NPAS3: variants seen among roughly 807,000 people sequenced by gnomAD.
NPAS3 encodes neuronal PAS domain protein 3.
Under a neutral mutation model 73.1 loss-of-function variants are expected in NPAS3, and 14 were observed. The ratio of observed to expected loss-of-function variants is 0.19; its 90% CI spans 0.13 to 0.30. NPAS3 has a LOEUF of 0.30. Among genes scored for constraint, NPAS3 ranks in the 10% least tolerant of loss-of-function variants. NPAS3 has a pLI of 1.00. For synonymous variants in NPAS3, 620 were observed against 541.5 expected, an observed-to-expected ratio of 1.14 and a Z score of -2.01; for missense variants, 1,096 against 1,250.0, an observed-to-expected ratio of 0.88 and a Z score of 1.86.
intron 2 of NPAS3, among the ~76,000 whole-genome samples, chr14:33,123,231 C>T (rs1889761): frequency 0.31 from 47,521 of 151,722 alleles, 7,812 homozygotes; most frequent in Non-Finnish European, 0.36. Flanking sequence ...ATGTTTAGAT[C>T]ATCACGGGAG....
At chr14:33,212,297 A>G (rs969698376) in intron 2 of NPAS3, among the ~76,000 whole-genome samples, 6 of 152,170 alleles carry the variant, frequency 3.9e-5, no homozygotes, top group African/African-American at 1.4e-4. Flanking sequence ...TATCATTCTG[A>G]AAGTCTTCTA....
At chr14:33,164,205 C>G (rs892019574) in intron 2 of NPAS3, among the ~76,000 whole-genome samples, 3 of 152,184 alleles carry the variant, frequency 2.0e-5, no homozygotes, top group Non-Finnish European at 2.9e-5. Flanking sequence ...TCACCATTTT[C>G]TCTTATACAG....
At chr14:33,534,284 G>GT in intron 4 of NPAS3, among the ~76,000 whole-genome samples, 1 of 151,366 alleles carries the variant, frequency 6.6e-6, no homozygotes, top group East Asian at 1.9e-4. Flanking sequence ...CATGCTGAAA[G>GT]TGTCAGACAA....
chr14:33,730,433 G>A (rs976534094), intron 6 of NPAS3, among the ~76,000 whole-genome samples: 7 of 152,126 alleles, frequency 4.6e-5, no homozygotes, highest in Admixed American at 1.3e-4. Flanking sequence ...CCAAATTACA[G>A]CAAAGATTTA....
chr14:33,428,440 A>G (rs961957935), intron 4 of NPAS3, among the ~76,000 whole-genome samples: 1 of 152,180 alleles, frequency 6.6e-6, no homozygotes, highest in Non-Finnish European at 1.5e-5. Flanking sequence ...ATTTGTTTAT[A>G]GATGTATATA....
intron 4 of NPAS3, among the ~76,000 whole-genome samples, chr14:33,399,979 T>G (rs1439892278): frequency 2.0e-5 from 3 of 152,112 alleles, no homozygotes; most frequent in Non-Finnish European, 4.4e-5. Context: ...ACATAATCAA[T>G]GCACTGTACA....
At chr14:33,170,909 T>A (rs887148078) in intron 2 of NPAS3, among the ~76,000 whole-genome samples, 1 of 152,248 alleles carries the variant, frequency 6.6e-6, no homozygotes, top group Non-Finnish European at 1.5e-5. Flanking sequence ...TATTTTCACC[T>A]TCTCCCATGA....
chr14:32,991,428 TTG>T (rs1049933873), intron 1 of NPAS3, among the ~76,000 whole-genome samples: 6 of 152,166 alleles, frequency 3.9e-5, no homozygotes, highest in African/African-American at 1.2e-4. Flanking sequence ...TGGCCATAGT[TTG>T]CCCAATAACA....
chr14:32,939,623 C>CAAAAAAAAAA (rs752795909), intron 1 of NPAS3, among the ~76,000 whole-genome samples: 5 of 110,216 alleles, frequency 4.5e-5, no homozygotes, highest in South Asian at 3.1e-4. Context: ...GACTCACTGA[C>CAAAAAAAAAA]AAAAAAAAAA....
At position 33,310,790 on chromosome 14, in the gene NPAS3, TACACACACACAC is replaced by T. The variant is rs57506320; in HGVS notation, c.386-56362_386-56351del. On this transcript the variant is annotated intron_variant, in intron 3 of 11. Coordinates refer to ENST00000356141, the Ensembl canonical transcript of NPAS3. ...AAATTCAGTAGAATGAAATGTATGG[TACACACACACAC>T]ACACACACACACACACACACACACA... 8.8e-3 allele frequency among the ~76,000 whole-genome samples: 1,248 copies of T among 142,236 alleles called. 13 individuals are homozygous for T. Among genetic ancestry groups the T allele is most frequent in the African/African-American group, 0.022 (868 of 39,066 alleles). The allele number at this position is 142,236 out of a possible 152,430, so 93.3% of individuals were successfully genotyped here.
chr14:33,549,868 A>G (rs1338458794), intron 4 of NPAS3, among the ~76,000 whole-genome samples: 1 of 152,182 alleles, frequency 6.6e-6, no homozygotes, highest in African/African-American at 2.4e-5. Context: ...CAAGTAATGA[A>G]TGGCCAATCC....
upstream of NPAS3, chr14:32,934,952 C>T: frequency 1.6e-6 from 2 of 1,267,810 alleles, no homozygotes; most frequent in Non-Finnish European, 2.0e-6. This position sits in a 1 kb window ranked among gnomAD's most constrained non-coding sequence, Gnocchi z 4.1. Flanking sequence ...GCCGGCGCCG[C>T]GGCCAACGGC....
At chr14:33,051,972 G>A (rs1368978541) in intron 1 of NPAS3, among the ~76,000 whole-genome samples, 1 of 152,116 alleles carries the variant, frequency 6.6e-6, no homozygotes, top group Non-Finnish European at 1.5e-5. Context: ...TGTTAGCCAG[G>A]ATGATCTTGA....
chr14:33,615,951 C>G (rs957550476), intron 5 of NPAS3, among the ~76,000 whole-genome samples: 3 of 152,174 alleles, frequency 2.0e-5, no homozygotes, highest in African/African-American at 7.2e-5. Context: ...GAACATTGCT[C>G]TCAGGAGCAC....
At chr14:33,202,910 G>A (rs780583939) in intron 2 of NPAS3, among the ~76,000 whole-genome samples, 84 of 152,060 alleles carry the variant, frequency 5.5e-4, no homozygotes, top group Non-Finnish European at 6.9e-4. Context: ...TAGAACTTTT[G>A]TAGTATATTT....
intron 2 of NPAS3, among the ~76,000 whole-genome samples, chr14:33,070,042 A>G (rs2041429611): frequency 6.6e-6 from 1 of 152,218 alleles, no homozygotes; most frequent in Non-Finnish European, 1.5e-5. Flanking sequence ...TCTCTAACAC[A>G]TAAAAAAGAT....
intron 2 of NPAS3, among the ~76,000 whole-genome samples, chr14:33,108,607 A>G (rs770668317): frequency 6.6e-6 from 1 of 152,202 alleles, no homozygotes; most frequent in Non-Finnish European, 1.5e-5. Context: ...ACAAATCAAT[A>G]TCAAAATGTG....
rs1044932168 is a variant in NPAS3 at position 33,146,830 on chromosome 14, A to G, written c.141-68352A>G. 2.1e-4 allele frequency among the ~76,000 whole-genome samples: 32 copies of G among 152,360 alleles called. 1 individual carries two copies. Among genetic ancestry groups the G allele is most frequent in the African/African-American group, 7.7e-4 (32 of 41,590 alleles). ...GGCAGGAGGAGTAGAGAAGAGGGCCATGACTCGATCAGGGAAGATTTTTAA... is the reference window on the plus strand; with the variant it reads ...GGCAGGAGGAGTAGAGAAGAGGGCCGTGACTCGATCAGGGAAGATTTTTAA... On this transcript the variant is annotated intron_variant, in intron 2 of 11. Transcript: ENST00000356141.
intron 5 of NPAS3, among the ~76,000 whole-genome samples, chr14:33,586,165 GT>G (rs759957942): frequency 2.0e-5 from 3 of 147,568 alleles, no homozygotes; most frequent in Non-Finnish European, 4.5e-5. Flanking sequence ...GAGGCATCTT[GT>G]TTTCTTCTCT....
Sources: gnomAD v4.1 joint callset for allele counts (sites outside exome capture counted in the v4.1 genomes callset) on GRCh38, gnomAD v4.1.1 for gene constraint, Gnocchi (gnomAD v3.1) non-coding constraint, MANE v1.5 for transcripts, NCBI Gene and HGNC (gene_info 2026-07-23, HGNC 2026-07-21) for gene names.